Variants in DCC observed in about 807,000 individuals in gnomAD.
DCC encodes DCC netrin 1 receptor, also known as netrin receptor DCC.
DCC carries 58 observed loss-of-function variants against 172.5 expected under a neutral mutation model. That is an observed-to-expected ratio of 0.34 (90% CI 0.27 to 0.42). The LOEUF (loss-of-function observed/expected upper bound fraction) is 0.42, where lower values mean the gene tolerates loss of function less well. DCC is among the 10% of genes least tolerant of loss of function. The probability of loss-of-function intolerance (pLI) is 1.00; values close to 1 mark genes in which losing one functional copy is unlikely to be tolerated. For missense variants in DCC, 1,740 were observed against 1,791.0 expected, an observed-to-expected ratio of 0.97 and a Z score of 0.51; for synonymous variants, 709 against 644.5, an observed-to-expected ratio of 1.10 and a Z score of -1.52.
At chr18:52,941,298 A>T (rs896631646) in intron 5 of DCC, 2 of 152,164 alleles carry the variant, frequency 1.3e-5, no homozygotes, top group Admixed American at 6.5e-5. Flanking sequence ...ATATTTATGG[A>T]AGATGAGATT....
At chr18:53,304,073 T>TC (rs1314714302) in intron 12 of DCC, among the ~76,000 whole-genome samples, 3 of 152,128 alleles carry the variant, frequency 2.0e-5, no homozygotes, top group Non-Finnish European at 4.4e-5. Context: ...TCTCTTCTTT[T>TC]CTGCCACACT....
At chr18:53,427,418 G>T (rs541475650) in intron 21 of DCC, among the ~76,000 whole-genome samples, 227 of 152,100 alleles carry the variant, frequency 1.5e-3, no homozygotes, top group African/African-American at 5.0e-3. Flanking sequence ...ATTCTATTAA[G>T]AATTCAATTG....
At chr18:52,925,156 A>C in intron 4 of DCC, 78 bp from the exon 5 acceptor site, 1 of 1,374,476 alleles carries the variant, frequency 7.3e-7, no homozygotes, top group Non-Finnish European at 1.0e-6. Flanking sequence ...GCTTTGGTGG[A>C]GGTCATTTAA....
chr18:52,861,243 C>A (rs1002712555), intron 2 of DCC, among the ~76,000 whole-genome samples: 6 of 152,136 alleles, frequency 3.9e-5, no homozygotes, highest in Non-Finnish European at 8.8e-5. Context: ...AGGTCAGGAA[C>A]CTTGTACGGA....
chr18:52,790,253 T>C lies in DCC; in HGVS notation c.412+37879T>C, dbSNP rs187644549. Among the ~76,000 whole-genome samples, 218 of 152,312 alleles carry C rather than the reference T, an allele frequency of 1.4e-3. 1 individual carries two copies. The highest frequency in any genetic ancestry group is 5.0e-3 in the African/African-American group (208 of 41,578). On this transcript the variant is annotated intron_variant, in intron 2 of 28. Transcript: ENST00000442544. ...TGGGCTGGCATGAACAGGAGGCTTA[T>C]GGGATCCTGGGTCTGCATCCTAGCC...
intron 2 of DCC, among the ~76,000 whole-genome samples, chr18:52,877,142 G>A (rs2039415971): frequency 6.6e-6 from 1 of 152,094 alleles, no homozygotes; most frequent in Non-Finnish European, 1.5e-5. Flanking sequence ...ATTGGTCTAG[G>A]TCAATCTCAA....
At position 53,005,859 on chromosome 18, in the gene DCC, G is replaced by C. The variant is rs191399108; in HGVS notation, c.986-57446G>C. Reference sequence around the variant, plus strand: ...ATGTAATATACTATACCTTTGCTTCGCTTATTTTTTCTCTCTGGTCTTCCC... The same window carrying C: ...ATGTAATATACTATACCTTTGCTTCCCTTATTTTTTCTCTCTGGTCTTCCC... On this transcript the variant is annotated intron_variant, in intron 5 of 28. Transcript: ENST00000442544. 1.6e-4 allele frequency among the ~76,000 whole-genome samples: 24 copies of C among 152,190 alleles called. No homozygotes were observed. The East Asian group carries it at 4.4e-3, about 28-fold the overall frequency.
intron 22 of DCC, among the ~76,000 whole-genome samples, chr18:53,440,302 A>G (rs1458476476): frequency 2.0e-5 from 3 of 152,208 alleles, no homozygotes; most frequent in African/African-American, 7.2e-5. Context: ...TGATTAAAAG[A>G]TCTATAAACC....
At chr18:53,199,762 C>G (rs186467806) in intron 9 of DCC, among the ~76,000 whole-genome samples, 185 of 152,182 alleles carry the variant, frequency 1.2e-3, no homozygotes, top group African/African-American at 3.8e-3. Flanking sequence ...AAACACATAT[C>G]TAACAAGCAA....
chr18:52,463,649 T>C (rs1436416533), intron 1 of DCC, among the ~76,000 whole-genome samples: 2 of 152,140 alleles, frequency 1.3e-5, no homozygotes, highest in Non-Finnish European at 2.9e-5. Context: ...ATAAGCATCA[T>C]GGTCTTAGGT....
chr18:53,207,592 T>A (rs1343129375), intron 10 of DCC, 87 bp from the exon 11 acceptor site: 3 of 1,244,366 alleles, frequency 2.4e-6, no homozygotes, highest in Admixed American at 3.4e-5. Flanking sequence ...AAGAGTCTAA[T>A]GTCCAATTCA....
chr18:52,719,017 C>G (rs1320519003), intron 1 of DCC, among the ~76,000 whole-genome samples: 1 of 152,088 alleles, frequency 6.6e-6, no homozygotes, highest in Non-Finnish European at 1.5e-5. Flanking sequence ...GGAAGAATCC[C>G]TCCTTGTCTC....
At chr18:52,445,910 T>G (rs1156827184) in intron 1 of DCC, among the ~76,000 whole-genome samples, 1 of 151,968 alleles carries the variant, frequency 6.6e-6, no homozygotes, top group Admixed American at 6.6e-5. Context: ...TCCTTACCAG[T>G]TTTTTGTTTG....
chr18:52,664,428 A>T (rs2035421999), intron 1 of DCC, among the ~76,000 whole-genome samples: 1 of 151,598 alleles, frequency 6.6e-6, no homozygotes, highest in South Asian at 2.1e-4. Flanking sequence ...ATGCTCCATA[A>T]ATCAGTTCAG....
chr18:52,469,932 C>T (rs1988898535), intron 1 of DCC, among the ~76,000 whole-genome samples: 1 of 152,212 alleles, frequency 6.6e-6, no homozygotes, highest in Non-Finnish European at 1.5e-5. Flanking sequence ...AAGTGGCATA[C>T]ATCACATTTG....
At chr18:52,600,491 T>C (rs923764560) in intron 1 of DCC, among the ~76,000 whole-genome samples, 3 of 152,222 alleles carry the variant, frequency 2.0e-5, no homozygotes, top group African/African-American at 7.2e-5. Flanking sequence ...TTTAACATTT[T>C]GTTTTTGTGG....
chr18:52,900,512 A>T (rs1051426133), intron 2 of DCC, among the ~76,000 whole-genome samples: 1 of 152,162 alleles, frequency 6.6e-6, no homozygotes, highest in Non-Finnish European at 1.5e-5. Flanking sequence ...CATCAATATA[A>T]TTTTTGATGC....
chr18:52,626,654 C>T (rs1598967253), intron 1 of DCC, among the ~76,000 whole-genome samples: 1 of 152,130 alleles, frequency 6.6e-6, no homozygotes, highest in African/African-American at 2.4e-5. Context: ...ACAGTTAGCC[C>T]TCCGTATCAT....
At chr18:52,859,974 A>G (rs552963198) in intron 2 of DCC, among the ~76,000 whole-genome samples, 1 of 152,362 alleles carries the variant, frequency 6.6e-6, no homozygotes, top group East Asian at 1.9e-4. Context: ...ACATTATTCC[A>G]TATCATCTTG....
Sources: gnomAD v4.1 joint callset for allele counts (sites outside exome capture counted in the v4.1 genomes callset) on GRCh38, gnomAD v4.1.1 for gene constraint, MANE v1.5 for transcripts, NCBI Gene and HGNC (gene_info 2026-07-23, HGNC 2026-07-21) for gene names.